The following SPTBN1 variants were observed in gnomAD, a reference collection of about 807,000 sequenced individuals.
SPTBN1 encodes spectrin beta, non-erythrocytic 1, also known as spectrin beta chain, non-erythrocytic 1.
In SPTBN1, 32 loss-of-function variants were observed where a neutral mutation model predicts 266.4. The ratio of observed to expected loss-of-function variants is 0.12; its 90% CI spans 0.09 to 0.16. The LOEUF (loss-of-function observed/expected upper bound fraction) is 0.16. Among genes scored for constraint, SPTBN1 ranks in the 10% least tolerant of loss-of-function variants. The probability of loss-of-function intolerance (pLI) is 1.00; values close to 1 mark genes in which losing one functional copy is unlikely to be tolerated. For missense variants in SPTBN1, 2,296 were observed against 3,067.1 expected (o/e 0.75, Z 5.94); for synonymous variants, 1,336 against 1,162.2 (o/e 1.15, Z -3.04).
intron 2 of SPTBN1, among the ~76,000 whole-genome samples, chr2:54,549,991 C>T (rs1263175277): frequency 2.0e-5 from 3 of 152,168 alleles, no homozygotes; most frequent in Non-Finnish European, 4.4e-5. Flanking sequence ...GGAATGCCAT[C>T]CTGGTCATGC....
Position 54,491,207 on chromosome 2 carries a change from C to T in SPTBN1, c.-48+34689C>T, listed in dbSNP as rs376893207. Among the ~76,000 whole-genome samples the T allele has an allele frequency of 5.3e-5, 8 of 152,228 alleles. No homozygotes were observed. The East Asian group carries it at 5.8e-4, about 11-fold the overall frequency. The stretch of plus-strand genomic sequence containing the variant: ...CAGAAAAACTGTTAATAAACTTAAC[C>T]GACAGGAAGATTCCCCTGGCATCAT... On this transcript the variant is annotated intron_variant, in intron 1 of 35. Coordinates refer to ENST00000356805, the MANE Select transcript of SPTBN1 (RefSeq NM_003128.3).
intron 2 of SPTBN1, among the ~76,000 whole-genome samples, chr2:54,580,986 TA>T (rs531384927): frequency 6.6e-6 from 1 of 151,920 alleles, no homozygotes; most frequent in South Asian, 2.1e-4. Flanking sequence ...TAATCCCAGC[TA>T]CTTGGGTGGC....
intron 2 of SPTBN1, among the ~76,000 whole-genome samples, chr2:54,531,409 G>A (rs1162968501): frequency 6.6e-6 from 1 of 152,106 alleles, no homozygotes; most frequent in East Asian, 1.9e-4. Flanking sequence ...TAGTATAGTA[G>A]GCAGGGTGTC....
At chr2:54,655,769 C>T in intron 28 of SPTBN1, 145 bp from the exon 29 acceptor site, 2 of 591,678 alleles carry the variant, frequency 3.4e-6, no homozygotes, top group Non-Finnish European at 3.0e-6. Flanking sequence ...TCTCCCAGTC[C>T]TCAGACAGAC....
rs61732871 is a variant in SPTBN1, at chr2:54,631,590, C to G, written c.3543C>G (p.Ala1181=). 0.021 allele frequency: 34,383 copies of G among 1,611,526 alleles called. 484 individuals carry two copies. Among genetic ancestry groups the G allele is most frequent in the Non-Finnish European group, 0.025 (28,985 of 1,178,534 alleles). ...YQQFLRDTKQ[A]EAFLNNQEYV... is the part of the protein sequence containing the mutation. ...AGTTCCTCAGAGACACGAAGCAAGC[C>G]GAAGCCTTTCTTAACAACCAGGTAA... is the stretch of plus-strand genomic sequence containing the variant. The change falls in exon 16 of 36, where the codon GCC becomes GCG. Residue 1181 remains alanine, a synonymous_variant. Coordinates refer to ENST00000356805, the MANE Select transcript of SPTBN1 (RefSeq NM_003128.3).
intron 2 of SPTBN1, among the ~76,000 whole-genome samples, chr2:54,575,927 C>T (rs1674431084): frequency 6.6e-6 from 1 of 152,092 alleles, no homozygotes; most frequent in Non-Finnish European, 1.5e-5. Flanking sequence ...GTACGAGAAA[C>T]ATGGTTGGAT....
intron 2 of SPTBN1, among the ~76,000 whole-genome samples, chr2:54,550,817 A>G (rs1219714173): frequency 6.6e-6 from 1 of 152,190 alleles, no homozygotes; most frequent in East Asian, 1.9e-4. Flanking sequence ...GCAGAGAAGA[A>G]ATCAGTTCTC....
intron 1 of SPTBN1, among the ~76,000 whole-genome samples, chr2:54,482,863 G>C (rs939275129): frequency 1.2e-4 from 19 of 152,198 alleles, no homozygotes; most frequent in Admixed American, 9.2e-4. Flanking sequence ...TGGCAGTACT[G>C]AGTCACTCCA....
chr2:54,475,612 A>G (rs941413474), intron 1 of SPTBN1, among the ~76,000 whole-genome samples: 4 of 152,096 alleles, frequency 2.6e-5, no homozygotes, highest in African/African-American at 7.2e-5. Flanking sequence ...TGAGTGGGAA[A>G]CATGCTTCTG....
chr2:54,558,008 C>A lies in SPTBN1; in HGVS notation c.148+31442C>A. ...CTAGAGAGTGAATGAGCCGCGCGGG[C>A]CCGGGACCCTTGGGGCTCTTCACTC... On this transcript the variant is annotated intron_variant, in intron 2 of 35. Transcript: ENST00000356805. The surrounding 1 kb of genome is among the most constrained non-coding windows in gnomAD (Gnocchi z 4.6). 1 of 985,374 alleles carries A rather than the reference C, an allele frequency of 1.0e-6. No individual in the cohort carries two copies. Among genetic ancestry groups the A allele is most frequent in the Non-Finnish European group, 1.2e-6 (1 of 829,914 alleles). 61.0% of individuals were successfully genotyped at this position (985,374 alleles called of 1,614,324 possible).
rs2104289473 is a variant in SPTBN1 at position 54,669,771 on chromosome 2, C to T, written c.*1202C>T. 1 of 152,596 alleles carries T rather than the reference C, an allele frequency of 6.6e-6. No individual in the cohort carries two copies. The highest frequency in any genetic ancestry group is 1.5e-5 in the Non-Finnish European group (1 of 68,034). The allele number at this position is 152,596 out of a possible 1,614,324, so 9.5% of individuals were successfully genotyped here. ...ATGACAAACAAGAAACATTTTACAA[C>T]CAGTCTGGGCTCACTTTTGCATTTT... On this transcript the variant is annotated 3_prime_UTR_variant, in exon 36 of 36. Coordinates refer to ENST00000356805, the MANE Select transcript of SPTBN1 (RefSeq NM_003128.3).
At chr2:54,508,742 C>A (rs569696132) in intron 1 of SPTBN1, among the ~76,000 whole-genome samples, 1 of 152,252 alleles carries the variant, frequency 6.6e-6, no homozygotes, top group South Asian at 2.1e-4. Flanking sequence ...GAAGTTGGAA[C>A]GCTAGCTGCT....
chr2:54,662,210 C>G (rs1230162843), intron 32 of SPTBN1: 6 of 985,278 alleles, frequency 6.1e-6, no homozygotes, highest in Non-Finnish European at 6.0e-6. Context: ...ATCATTTGAT[C>G]ATAGCACTGT....
At chr2:54,456,768 C>T (rs1693053986) in intron 1 of SPTBN1, among the ~76,000 whole-genome samples, 1 of 150,930 alleles carries the variant, frequency 6.6e-6, no homozygotes, top group African/African-American at 2.4e-5. Flanking sequence ...GGGCGGCAGG[C>T]TCTGCGGTGA....
At chr2:54,659,468 T>C (rs2048370) in intron 31 of SPTBN1, among the ~76,000 whole-genome samples, 24,304 of 152,136 alleles carry the variant, frequency 0.16, 2,065 homozygotes, top group Middle Eastern at 0.21. Flanking sequence ...CATAGGTATG[T>C]AGGTGGCAGA....
At chr2:54,522,161 C>T (rs1053399932) in intron 1 of SPTBN1, among the ~76,000 whole-genome samples, 1 of 152,070 alleles carries the variant, frequency 6.6e-6, no homozygotes, top group Non-Finnish European at 1.5e-5. Context: ...CTTGGCCTCC[C>T]AAAGTGCTGG....
chr2:54,529,316 C>A (rs1671047214), intron 2 of SPTBN1: 1 of 519,592 alleles, frequency 1.9e-6, no homozygotes, highest in Admixed American at 2.6e-5. Context: ...AGAGTTACCT[C>A]AAAGATACAC....
chr2:54,538,490 A>G lies in SPTBN1; in HGVS notation c.148+11924A>G, dbSNP rs546207459. On this transcript the variant is annotated intron_variant, in intron 2 of 35. Transcript: ENST00000356805. ...ATAGACAATGTGTATAAAACAAGCAATGAATTAATATGAAAGTGTTGTGAT... is the reference window on the plus strand; with the variant it reads ...ATAGACAATGTGTATAAAACAAGCAGTGAATTAATATGAAAGTGTTGTGAT... Among the ~76,000 whole-genome samples, 17 of 152,364 alleles carry G rather than the reference A, an allele frequency of 1.1e-4. No homozygotes were observed. The South Asian group carries it at 1.7e-3, about 15-fold the overall frequency.
intron 2 of SPTBN1, among the ~76,000 whole-genome samples, chr2:54,563,551 A>T (rs1227764112): frequency 2.7e-5 from 4 of 150,444 alleles, no homozygotes; most frequent in Non-Finnish European, 4.4e-5. Context: ...TTAGAAAGTG[A>T]AGTGCTGATT....
Sources: allele counts gnomAD v4.1 joint callset (sites outside exome capture counted in the v4.1 genomes callset), GRCh38; gene constraint gnomAD v4.1.1; non-coding constraint Gnocchi (gnomAD v3.1); transcripts MANE v1.5; gene names NCBI Gene and HGNC (gene_info 2026-07-23, HGNC 2026-07-21).